Variants in AFAP1 observed in about 807,000 individuals in gnomAD.
The protein encoded by AFAP1 is actin filament-associated protein 1.
In AFAP1, 75 loss-of-function variants were observed where a neutral mutation model predicts 93.9. That is an observed-to-expected ratio of 0.80 (90% CI 0.66 to 0.97). AFAP1 has a LOEUF of 0.97. Ranked by LOEUF, AFAP1 falls within the 50% of genes least tolerant of loss-of-function variation. The pLI is 0.00. For synonymous variants in AFAP1, 517 were observed against 430.7 expected, an observed-to-expected ratio of 1.20 and a Z score of -2.48; for missense variants, 1,201 against 1,050.8, an observed-to-expected ratio of 1.14 and a Z score of -1.98.
intron 1 of AFAP1, among the ~76,000 whole-genome samples, chr4:7,932,798 G>A (rs1721151742): frequency 6.6e-6 from 1 of 152,090 alleles, no homozygotes; most frequent in Admixed American, 6.6e-5. Context: ...AAGGCCGGCA[G>A]ATCATAAGGT....
chr4:7,778,393 C>T, intron 14 of AFAP1: 1 of 327,940 alleles, frequency 3.0e-6, no homozygotes, highest in Non-Finnish European at 5.8e-6. Context: ...GATAAAGATG[C>T]TGAGTTTAGA....
chr4:7,889,828 C>G (rs1327584256), intron 1 of AFAP1, among the ~76,000 whole-genome samples: 1 of 150,312 alleles, frequency 6.7e-6, no homozygotes, highest in African/African-American at 2.4e-5. Flanking sequence ...AATCTATAAA[C>G]TGACAACTAT....
intron 4 of AFAP1, among the ~76,000 whole-genome samples, chr4:7,847,793 C>CGGTGGG (rs1553845889): frequency 2.9e-5 from 3 of 102,090 alleles, no homozygotes; most frequent in South Asian, 3.2e-4. Context: ...CAGGGGTACT[C>CGGTGGG]GGGGTGGGGC....
chr4:7,786,548 C>T (rs997591081), intron 11 of AFAP1, among the ~76,000 whole-genome samples: 3 of 152,178 alleles, frequency 2.0e-5, no homozygotes, highest in Non-Finnish European at 4.4e-5. Context: ...GTAACCAACA[C>T]CAGGTACACG....
intron 4 of AFAP1, among the ~76,000 whole-genome samples, chr4:7,850,845 T>C (rs1175786496): frequency 1.3e-5 from 2 of 152,194 alleles, no homozygotes; most frequent in Admixed American, 6.5e-5. Context: ...CATAGATGAG[T>C]TGCAGTTTGA....
chr4:7,933,302 C>T (rs78615369), intron 1 of AFAP1, among the ~76,000 whole-genome samples: 1,970 of 152,206 alleles, frequency 0.013, 45 homozygotes, highest in African/African-American at 0.045. Flanking sequence ...TGGCCGAGCA[C>T]GGTGGCTCAC....
At chr4:7,788,096 G>A (rs560937988) in intron 11 of AFAP1, among the ~76,000 whole-genome samples, 3 of 152,360 alleles carry the variant, frequency 2.0e-5, no homozygotes, top group Admixed American at 6.5e-5. Context: ...GACCATGCGG[G>A]CACACACAGG....
intron 16 of AFAP1, among the ~76,000 whole-genome samples, chr4:7,770,544 G>A (rs1425540266): frequency 6.6e-6 from 1 of 152,194 alleles, no homozygotes; most frequent in East Asian, 1.9e-4. Context: ...GCAGGGCAAG[G>A]GGACAGTCAC....
intron 3 of AFAP1, among the ~76,000 whole-genome samples, chr4:7,868,156 C>T (rs1716635780): frequency 6.6e-6 from 1 of 150,526 alleles, no homozygotes; most frequent in African/African-American, 2.4e-5. Flanking sequence ...GAAATATGTA[C>T]ATATTTTTCT....
chr4:7,884,017 G>A (rs1718002603), intron 1 of AFAP1, among the ~76,000 whole-genome samples: 1 of 152,152 alleles, frequency 6.6e-6, no homozygotes, highest in South Asian at 2.1e-4. Context: ...GAGGTGTTGG[G>A]TCACGGGGGT....
intron 1 of AFAP1, among the ~76,000 whole-genome samples, chr4:7,920,577 C>G (rs997247685): frequency 6.6e-6 from 1 of 152,144 alleles, no homozygotes; most frequent in Admixed American, 6.5e-5. Flanking sequence ...ACTTGCTTCC[C>G]CAATCTTCAA....
chr4:7,869,156 GGAAAGGGAAAA>G (rs1173095992), intron 2 of AFAP1, among the ~76,000 whole-genome samples: 1 of 151,356 alleles, frequency 6.6e-6, no homozygotes, highest in African/African-American at 2.4e-5. Context: ...AAAGGGAAAG[GGAAAGGGAAAA>G]GAAAAGAAAA....
intron 1 of AFAP1, among the ~76,000 whole-genome samples, chr4:7,927,221 T>C (rs1720814045): frequency 6.6e-6 from 1 of 152,178 alleles, no homozygotes; most frequent in African/African-American, 2.4e-5. Context: ...AGAGCTCAGG[T>C]GAGCCCATAT....
At chr4:7,882,160 C>G (rs9330348) in intron 1 of AFAP1, among the ~76,000 whole-genome samples, 65,071 of 151,992 alleles carry the variant, frequency 0.43, 16,582 homozygotes, top group Non-Finnish European at 0.6. Flanking sequence ...AGTCATGACA[C>G]ACTCCTCTGT....
chr4:7,857,633 G>T (rs28376459), intron 3 of AFAP1, among the ~76,000 whole-genome samples: 42,810 of 152,090 alleles, frequency 0.28, 6,790 homozygotes, highest in African/African-American at 0.43. Context: ...CTGTACAGGA[G>T]TCCACATCCA....
chr4:7,769,199 G>T (rs968845585), intron 16 of AFAP1, among the ~76,000 whole-genome samples, 191 bp from the exon 17 acceptor site: 1 of 152,214 alleles, frequency 6.6e-6, no homozygotes. Flanking sequence ...CGGCCGGGGG[G>T]CAGAGGCTCC....
At chr4:7,898,559 T>C (rs116170000) in intron 1 of AFAP1, among the ~76,000 whole-genome samples, 2,416 of 151,476 alleles carry the variant, frequency 0.016, 63 homozygotes, top group African/African-American at 0.056. Context: ...GTTTGGGCAA[T>C]CTGAGGGAAG....
chr4:7,832,350 G>A (rs1279903383), intron 6 of AFAP1, among the ~76,000 whole-genome samples: 1 of 151,966 alleles, frequency 6.6e-6, no homozygotes, highest in East Asian at 1.9e-4. Flanking sequence ...AAAAGCATCT[G>A]TGTGTCCTGA....
intron 1 of AFAP1, among the ~76,000 whole-genome samples, chr4:7,899,262 G>C (rs1553853426): frequency 6.6e-6 from 1 of 152,054 alleles, no homozygotes; most frequent in Non-Finnish European, 1.5e-5. Flanking sequence ...AACTTTTACA[G>C]TTATACGCAT....
Sources: gnomAD v4.1 joint callset for allele counts (sites outside exome capture counted in the v4.1 genomes callset) on GRCh38, gnomAD v4.1.1 for gene constraint, MANE v1.5 for transcripts, NCBI Gene and HGNC (gene_info 2026-07-23, HGNC 2026-07-21) for gene names.